The following ST18 variants were observed in gnomAD, a reference collection of about 807,000 sequenced individuals.
The protein encoded by ST18 is ST18 C2H2C-type zinc finger transcription factor.
In ST18, 50 loss-of-function variants were observed where a neutral mutation model predicts 110.0. The observed-to-expected ratio is 0.45, with a 90% confidence interval of 0.36 to 0.58. The LOEUF (loss-of-function observed/expected upper bound fraction) is 0.58. Ranked by LOEUF, ST18 falls within the 20% of genes least tolerant of loss-of-function variation. The pLI is 0.00. For missense variants in ST18, 1,306 were observed against 1,280.1 expected (o/e 1.02, Z -0.31); for synonymous variants, 461 against 452.4 (o/e 1.02, Z -0.24).
At chr8:52,327,938 A>G (rs990903840) in intron 2 of ST18, among the ~76,000 whole-genome samples, 1 of 152,170 alleles carries the variant, frequency 6.6e-6, no homozygotes, top group Non-Finnish European at 1.5e-5. Flanking sequence ...ATGTTCAGAG[A>G]TTTTATTCTT....
intron 2 of ST18, among the ~76,000 whole-genome samples, chr8:52,340,719 GAC>G (rs1227497653): frequency 6.6e-6 from 1 of 152,094 alleles, no homozygotes; most frequent in African/African-American, 2.4e-5. Flanking sequence ...CTTTCCTTAA[GAC>G]ACACTCTAGT....
At chr8:52,302,463 C>G (rs1044628288) in intron 2 of ST18, among the ~76,000 whole-genome samples, 1 of 152,148 alleles carries the variant, frequency 6.6e-6, no homozygotes, top group African/African-American at 2.4e-5. Context: ...TATTCCCTAA[C>G]TCTGTTCAAT....
In ST18 at chr8:52,176,485, C is replaced by T. The variant is rs75352469; in HGVS notation, c.277+3637G>A. ...AGGGTCAGCTCTTGGGAGGGCATAACCAGAGGGTTACAGCCAGCCAGTGAG... is the reference window on the plus strand; with the variant it reads ...AGGGTCAGCTCTTGGGAGGGCATAATCAGAGGGTTACAGCCAGCCAGTGAG... On this transcript the variant is annotated intron_variant, in intron 9 of 25. Transcript: ENST00000689386. 3.1e-3 allele frequency among the ~76,000 whole-genome samples: 468 copies of T among 152,312 alleles called. 3 individuals carry two copies. Among genetic ancestry groups the T allele is most frequent in the South Asian group, 0.024 (116 of 4,828 alleles).
intron 8 of ST18, among the ~76,000 whole-genome samples, chr8:52,182,334 AT>A (rs757556720): frequency 4.6e-5 from 7 of 152,186 alleles, no homozygotes; most frequent in Non-Finnish European, 7.3e-5. Flanking sequence ...CCAGTTTTCT[AT>A]GTTCATTGAA....
chr8:52,122,594 T>C (rs1321368014), intron 23 of ST18, among the ~76,000 whole-genome samples: 1 of 152,130 alleles, frequency 6.6e-6, no homozygotes, highest in African/African-American at 2.4e-5. Flanking sequence ...GCGATTCTCC[T>C]GCCTCAGCCT....
At chr8:52,176,262 A>G (rs1213209093) in intron 9 of ST18, among the ~76,000 whole-genome samples, 1 of 152,124 alleles carries the variant, frequency 6.6e-6, no homozygotes, top group Non-Finnish European at 1.5e-5. Flanking sequence ...TGACCTCGTG[A>G]TCCGCCCGCC....
chr8:52,297,390 T>C (rs2095651595), intron 2 of ST18, among the ~76,000 whole-genome samples: 1 of 152,250 alleles, frequency 6.6e-6, no homozygotes, highest in Non-Finnish European at 1.5e-5. Flanking sequence ...GCAGAATATA[T>C]GGTACAATCT....
chr8:52,332,403 A>G (rs1589985319), intron 2 of ST18, among the ~76,000 whole-genome samples: 1 of 152,296 alleles, frequency 6.6e-6, no homozygotes, highest in East Asian at 1.9e-4. Context: ...TACACATTGA[A>G]TTCAAGAGAA....
intron 8 of ST18, among the ~76,000 whole-genome samples, chr8:52,189,368 A>G (rs1193619640): frequency 6.6e-6 from 1 of 152,224 alleles, no homozygotes; most frequent in Non-Finnish European, 1.5e-5. Context: ...AAGCCTAGAA[A>G]AACAATGGCC....
intron 8 of ST18, among the ~76,000 whole-genome samples, chr8:52,196,490 G>A (rs922306864): frequency 1.1e-4 from 17 of 152,052 alleles, no homozygotes; most frequent in Non-Finnish European, 1.5e-5. Flanking sequence ...ATTTCATACT[G>A]TAGTCCCCCC....
intron 2 of ST18, among the ~76,000 whole-genome samples, chr8:52,358,242 A>C (rs1824070992): frequency 6.6e-6 from 1 of 151,884 alleles, no homozygotes; most frequent in South Asian, 2.1e-4. Context: ...AAACACCTCT[A>C]CTCAAAAAGA....
chr8:52,130,159 GAAAGAAAAAGAAA>G (rs1362763273), intron 22 of ST18, among the ~76,000 whole-genome samples: 1 of 148,572 alleles, frequency 6.7e-6, no homozygotes, highest in African/African-American at 2.5e-5. Context: ...AAGAAAGAAA[GAAAGAAAAAGAAA>G]AGAAAATAGT....
rs2084942379 is a variant in ST18, at chr8:52,217,812, C to T, written c.-67G>A. On this transcript the variant is annotated 5_prime_UTR_variant, in exon 6 of 26. It removes an upstream start codon present in the reference 5' UTR. Coordinates refer to ENST00000689386, the MANE Select transcript of ST18 (RefSeq NM_001352837.2). ...TGACGTCTTTTCTTACTGGAGCTTA[C>T]ATCAGGGGCAATAAGCAGGTCTCTT... 1 of 152,188 alleles carries T rather than the reference C, an allele frequency of 6.6e-6. No individual in the cohort carries two copies. The highest frequency in any genetic ancestry group is 6.5e-5 in the Admixed American group (1 of 15,272). 9.4% of individuals were successfully genotyped at this position (152,188 alleles called of 1,614,324 possible).
At chr8:52,280,323 T>C (rs2095351983) in intron 2 of ST18, among the ~76,000 whole-genome samples, 1 of 152,074 alleles carries the variant, frequency 6.6e-6, no homozygotes, top group Non-Finnish European at 1.5e-5. Flanking sequence ...ATCTTTCTAG[T>C]CATAAAACAA....
chr8:52,365,731 G>A (rs2140506804), intron 2 of ST18, among the ~76,000 whole-genome samples: 1 of 152,110 alleles, frequency 6.6e-6, no homozygotes, highest in East Asian at 1.9e-4. Flanking sequence ...GGTTCTGGCT[G>A]TGTTACCCAA....
intron 25 of ST18, among the ~76,000 whole-genome samples, chr8:52,115,462 A>G (rs1321519307): frequency 6.6e-6 from 1 of 152,222 alleles, no homozygotes; most frequent in African/African-American, 2.4e-5. Flanking sequence ...ATAAGATAAC[A>G]ATAGCATGTT....
chr8:52,378,180 A>T (rs1233039087), intron 2 of ST18, among the ~76,000 whole-genome samples: 1 of 152,204 alleles, frequency 6.6e-6, no homozygotes, highest in East Asian at 1.9e-4. Flanking sequence ...CCTAGTATTT[A>T]GTAGCAAAGT....
At chr8:52,260,120 T>C (rs1237406648) in intron 2 of ST18, among the ~76,000 whole-genome samples, 2 of 152,224 alleles carry the variant, frequency 1.3e-5, no homozygotes, top group Non-Finnish European at 2.9e-5. Flanking sequence ...AAAATGAACA[T>C]GGACATAATC....
intron 2 of ST18, among the ~76,000 whole-genome samples, chr8:52,289,712 T>G (rs1416640126): frequency 6.6e-6 from 1 of 152,110 alleles, no homozygotes; most frequent in Non-Finnish European, 1.5e-5. Flanking sequence ...GATGATCACC[T>G]TCTGTCAAAT....
Sources: gnomAD v4.1 joint callset for allele counts (sites outside exome capture counted in the v4.1 genomes callset) on GRCh38, gnomAD v4.1.1 for gene constraint, MANE v1.5 for transcripts, NCBI Gene and HGNC (gene_info 2026-07-23, HGNC 2026-07-21) for gene names.